The following WDR1 variants were observed in gnomAD, a reference collection of about 807,000 sequenced individuals.
WDR1 encodes WD repeat domain 1.
In WDR1, 21 loss-of-function variants were observed where a neutral mutation model predicts 71.9. The ratio of observed to expected loss-of-function variants is 0.29; its 90% CI spans 0.21 to 0.42. The LOEUF (loss-of-function observed/expected upper bound fraction) is 0.42, where lower values mean the gene tolerates loss of function less well. Among genes scored for constraint, WDR1 ranks in the 10% least tolerant of loss-of-function variants. WDR1 has a pLI of 1.00. For missense variants in WDR1, 696 were observed against 824.5 expected, an observed-to-expected ratio of 0.84 and a Z score of 1.91; for synonymous variants, 424 against 347.4, an observed-to-expected ratio of 1.22 and a Z score of -2.45.
chr4:10,081,881 T>C (rs997778887), intron 10 of WDR1, among the ~76,000 whole-genome samples: 5 of 152,200 alleles, frequency 3.3e-5, no homozygotes, highest in African/African-American at 1.2e-4. Context: ...AAAATCATGT[T>C]ATTTTTAGCC....
At chr4:10,097,582 G>T in intron 5 of WDR1, 129 bp downstream of exon 5, 1 of 1,129,806 alleles carries the variant, frequency 8.9e-7, no homozygotes. Context: ...ACCCCTGGGA[G>T]CCCACTTCTG....
rs939365960 is a variant in WDR1 at position 10,078,533 on chromosome 4, C to T, written c.1395+358G>A. 2.4e-5 allele frequency: 5 copies of T among 210,160 alleles called. No homozygotes were observed. The South Asian group carries it at 5.6e-4, about 23-fold the overall frequency. The allele number at this position is 210,160 out of a possible 1,614,324, so 13.0% of individuals were successfully genotyped here. A position where few individuals can be genotyped will look rare whatever the true frequency, so the allele number is the denominator to read the frequency against. ...AGCCCAGCCCCAGGGGATGCCATTCCTTGATTTCCTGACCTGCTACCCTCT... is the reference window on the plus strand; with the variant it reads ...AGCCCAGCCCCAGGGGATGCCATTCTTTGATTTCCTGACCTGCTACCCTCT... On this transcript the variant is annotated intron_variant, in intron 12 of 14. Transcript: ENST00000499869.
intron 2 of WDR1, 52 bp downstream of exon 2, chr4:10,116,061 C>T (rs1329202698): frequency 6.3e-7 from 1 of 1,589,060 alleles, no homozygotes; most frequent in Non-Finnish European, 8.6e-7. Flanking sequence ...CGAATTATCC[C>T]ATCCCAAGGT....
chr4:10,113,162 C>T (rs932538068), intron 2 of WDR1, among the ~76,000 whole-genome samples: 1 of 152,208 alleles, frequency 6.6e-6, no homozygotes, highest in African/African-American at 2.4e-5. Flanking sequence ...AGTTCAAGAT[C>T]AGCCTGGCCA....
intron 2 of WDR1, among the ~76,000 whole-genome samples, chr4:10,112,777 C>G (rs915700111): frequency 2.0e-5 from 3 of 152,224 alleles, no homozygotes; most frequent in African/African-American, 4.8e-5. Flanking sequence ...GTTTTCCAGG[C>G]TTTTTAATCA....
In WDR1 at chr4:10,081,396, G is replaced by A. The variant is rs190162322; in HGVS notation, c.1245C>T (p.Val415=). The A allele has an allele frequency of 3.5e-4, 558 of 1,613,876 alleles. No individual in the cohort carries two copies. Among genetic ancestry groups the A allele is most frequent in the Non-Finnish European group, 4.1e-4 (482 of 1,179,872 alleles). ...KLDVQPKCVA[V]GPGGYAVVVC... Reference sequence around the variant, plus strand: ...CGACCACGGCGTATCCCCCGGGGCCGACGGCTACGCACTTTGGCTGAACGT... The same window carrying A: ...CGACCACGGCGTATCCCCCGGGGCCAACGGCTACGCACTTTGGCTGAACGT... The change falls in exon 11 of 15, where the codon GTC becomes GTT. Residue 415 remains valine, a synonymous_variant. Coordinates refer to ENST00000499869, the MANE Select transcript of WDR1 (RefSeq NM_017491.5).
rs1764861177 is a variant in WDR1, at chr4:10,077,869, G to C, written c.1453C>G (p.Leu485Val). ...LGTTLKDEGK[L>V]LEAKGPVTDV... ...GTCACGGGGCCCTTGGCCTCTAGGA[G>C]CTTGCCCTCATCCTTCAGCGTGGTG... The change falls in exon 13 of 15, where the codon CTC becomes GTC. Residue 485 changes from leucine to valine, a missense_variant. Leu to Val is a conservative substitution (Grantham distance 32). Transcript: ENST00000499869. The C allele has an allele frequency of 6.2e-7, 1 of 1,611,556 alleles. No individual in the cohort carries two copies. Among genetic ancestry groups the C allele is most frequent in the Non-Finnish European group, 8.5e-7 (1 of 1,178,896 alleles).
At position 10,099,126 on chromosome 4, in the gene WDR1, C is replaced by T. The variant is rs770276594; in HGVS notation, c.243G>A (p.Lys81=). ...FYIASGDVSG[K]LRIWDTTQKE... Reference sequence around the variant, plus strand: ...TCTGCGTGGTATCCCAGATCCTCAGCTTCCCAGACACATCTGTGGGGCACA... The same window carrying T: ...TCTGCGTGGTATCCCAGATCCTCAGTTTCCCAGACACATCTGTGGGGCACA... Residue 81 remains lysine, a synonymous_variant, in exon 4 of 15, where the codon AAG becomes AAA. Coordinates refer to ENST00000499869, the MANE Select transcript of WDR1 (RefSeq NM_017491.5). The T allele has an allele frequency of 2.3e-5, 35 of 1,511,082 alleles. No individual in the cohort carries two copies. The highest frequency in any genetic ancestry group is 3.0e-5 in the Non-Finnish European group (33 of 1,114,982). The allele number at this position is 1,511,082 out of a possible 1,614,324, so 93.6% of individuals were successfully genotyped here.
At chr4:10,087,183 T>C (rs1474672705) in intron 8 of WDR1, among the ~76,000 whole-genome samples, 1 of 152,218 alleles carries the variant, frequency 6.6e-6, no homozygotes, top group East Asian at 1.9e-4. Flanking sequence ...CGCTCCCTTA[T>C]GGAACTCCAG....
chr4:10,103,441 G>A (rs1712826578), intron 3 of WDR1, among the ~76,000 whole-genome samples: 3 of 152,104 alleles, frequency 2.0e-5, no homozygotes, highest in Non-Finnish European at 4.4e-5. Context: ...CTACAAACTA[G>A]AAAGTGTCCT....
At chr4:10,112,711 T>C (rs955523506) in intron 2 of WDR1, among the ~76,000 whole-genome samples, 2 of 152,266 alleles carry the variant, frequency 1.3e-5, no homozygotes, top group African/African-American at 4.8e-5. Context: ...TGAGCTTTCC[T>C]TGTTCTCATG....
rs750198550 is a variant in WDR1 at position 10,083,184 on chromosome 4, G to A, written c.1040-6C>T. The A allele has an allele frequency of 2.5e-6, 4 of 1,612,626 alleles. No homozygotes were observed. The highest frequency in any genetic ancestry group is 1.3e-5 in the African/African-American group (1 of 74,896). Reference sequence around the variant, plus strand: ...CGTCTCTGAATCCCAGTAATGTAGGGTGGGGTTAAGGAAAAGCCCGGCTCC... The same window carrying A: ...CGTCTCTGAATCCCAGTAATGTAGGATGGGGTTAAGGAAAAGCCCGGCTCC... On this transcript the variant is annotated splice_polypyrimidine_tract_variant and splice_region_variant and intron_variant, in intron 9 of 14. Coordinates refer to ENST00000499869, the MANE Select transcript of WDR1 (RefSeq NM_017491.5).
chr4:10,114,040 C>T (rs1010767536), intron 2 of WDR1, among the ~76,000 whole-genome samples: 1 of 152,130 alleles, frequency 6.6e-6, no homozygotes. Context: ...CAATTCATGT[C>T]ACTTTTTTTT....
intron 13 of WDR1, 67 bp from the exon 14 acceptor site, chr4:10,077,515 C>T (rs1764843220): frequency 2.5e-6 from 4 of 1,604,430 alleles, no homozygotes; most frequent in African/African-American, 1.3e-5. Flanking sequence ...CATATCACCT[C>T]GCTTATCCCT....
rs1337229521 is a variant in WDR1 at position 10,084,427 on chromosome 4, TTGAG to T, written c.1039+12_1039+15del. The T allele has an allele frequency of 6.2e-7, 1 of 1,611,726 alleles. No homozygotes were observed. Among genetic ancestry groups the T allele is most frequent in the African/African-American group, 1.3e-5 (1 of 74,992 alleles). ...AGCCAGCGGCTCCGGAGCCAGCTCT[TTGAG>T]TCAAAGGATATTAATGTGTCCGTCG... On this transcript the variant is annotated intron_variant, in intron 9 of 14. Coordinates refer to ENST00000499869, the MANE Select transcript of WDR1 (RefSeq NM_017491.5).
intron 3 of WDR1, among the ~76,000 whole-genome samples, chr4:10,102,548 C>G (rs991145280): frequency 2.0e-5 from 3 of 152,204 alleles, no homozygotes; most frequent in Non-Finnish European, 4.4e-5. Flanking sequence ...TTGACAGATA[C>G]CGGCCCCTGC....
chr4:10,082,209 G>A (rs916537328), intron 10 of WDR1, among the ~76,000 whole-genome samples: 1 of 152,202 alleles, frequency 6.6e-6, no homozygotes, highest in Non-Finnish European at 1.5e-5. Context: ...CAGATGCCCA[G>A]TCTGCCAGGC....
chr4:10,083,676 A>G lies in WDR1; in HGVS notation c.1040-498T>C, dbSNP rs117132531. 1,212 of 469,118 alleles carry G rather than the reference A, an allele frequency of 2.6e-3. 50 individuals carry two copies. In the East Asian group the frequency reaches 0.068, roughly 26 times the overall value. The allele number at this position is 469,118 out of a possible 1,614,324, so 29.1% of individuals were successfully genotyped here. On this transcript the variant is annotated intron_variant, in intron 9 of 14. Transcript: ENST00000499869. ...GGTGCTCAGGGAGGGCAGCAGAACAACGCACAGCAGGTGCCATCATCAGCA... is the reference window on the plus strand; with the variant it reads ...GGTGCTCAGGGAGGGCAGCAGAACAGCGCACAGCAGGTGCCATCATCAGCA...
chr4:10,086,487 T>C (rs2109653185), intron 8 of WDR1, among the ~76,000 whole-genome samples: 1 of 152,268 alleles, frequency 6.6e-6, no homozygotes, highest in African/African-American at 2.4e-5. Context: ...CGAGGCCCCT[T>C]CCTCGTGGGC....
Sources: allele counts gnomAD v4.1 joint callset (sites outside exome capture counted in the v4.1 genomes callset), GRCh38; gene constraint gnomAD v4.1.1; transcripts MANE v1.5; gene names NCBI Gene and HGNC (gene_info 2026-07-23, HGNC 2026-07-21).